Variants in TDRD3 observed in about 807,000 individuals in gnomAD.
The protein encoded by TDRD3 is tudor domain-containing protein 3.
In TDRD3, 45 loss-of-function variants were observed where a neutral mutation model predicts 86.7. That is an observed-to-expected ratio of 0.52 (90% confidence interval 0.41 to 0.67). The LOEUF is 0.67. TDRD3 is among the 30% of genes least tolerant of loss of function. The pLI is 0.00. For synonymous variants in TDRD3, 298 were observed against 301.7 expected (o/e 0.99, Z 0.13); for missense variants, 814 against 889.0 (o/e 0.92, Z 1.07).
At chr13:60,549,739 G>C (rs377727440) in intron 12 of TDRD3, among the ~76,000 whole-genome samples, 48 of 152,130 alleles carry the variant, frequency 3.2e-4, no homozygotes, top group African/African-American at 1.1e-3. Flanking sequence ...ATCTCATGAG[G>C]CTTAACCTAT....
intron 1 of TDRD3, among the ~76,000 whole-genome samples, chr13:60,403,708 A>G (rs1007439178): frequency 1.4e-4 from 21 of 152,206 alleles, no homozygotes; most frequent in African/African-American, 5.1e-4. Context: ...ATAGACAGAG[A>G]GCCTATATGT....
chr13:60,564,277 C>T (rs570860417), intron 12 of TDRD3, among the ~76,000 whole-genome samples: 1 of 151,948 alleles, frequency 6.6e-6, no homozygotes, highest in African/African-American at 2.4e-5. Context: ...TCGGGATGCA[C>T]CTTGGTTTTA....
chr13:60,438,667 C>CT (rs936079443), intron 1 of TDRD3, among the ~76,000 whole-genome samples: 2 of 151,858 alleles, frequency 1.3e-5, no homozygotes, highest in South Asian at 2.1e-4. Context: ...CTTAAAGGCA[C>CT]TTTTTTTTGG....
chr13:60,490,962 A>G (rs796158516), intron 7 of TDRD3, among the ~76,000 whole-genome samples: 27 of 152,088 alleles, frequency 1.8e-4, no homozygotes, highest in African/African-American at 6.0e-4. Context: ...TACTAAAAAT[A>G]CAAAATTAGC....
intron 10 of TDRD3, among the ~76,000 whole-genome samples, chr13:60,515,749 G>A (rs1957153895): frequency 6.6e-6 from 1 of 152,152 alleles, no homozygotes; most frequent in Non-Finnish European, 1.5e-5. Context: ...TTGTTTTTCA[G>A]CTCATTTTAA....
intron 8 of TDRD3, among the ~76,000 whole-genome samples, chr13:60,495,378 A>G (rs1017765150): frequency 2.0e-5 from 3 of 152,204 alleles, no homozygotes; most frequent in Admixed American, 6.5e-5. Context: ...CAATAGAGAA[A>G]GAGTAATTCA....
chr13:60,565,984 T>C (rs2137986879), intron 12 of TDRD3, among the ~76,000 whole-genome samples: 1 of 152,310 alleles, frequency 6.6e-6, no homozygotes, highest in South Asian at 2.1e-4. Context: ...AAAGGAAAAC[T>C]CATCTGGAAG....
In TDRD3 at chr13:60,505,123, A is replaced by G. The variant is rs534954892; in HGVS notation, c.859-4640A>G. ...CTCTGCTGGAAAGGGGGCTGAAGCC[A>G]GGGCGCCAAGTAGTCTAGCTCAGCG... On this transcript the variant is annotated intron_variant, in intron 8 of 13. Coordinates refer to ENST00000377881, the MANE Select transcript of TDRD3 (RefSeq NM_001146070.2). Among the ~76,000 whole-genome samples, 62 of 152,298 alleles carry G rather than the reference A, an allele frequency of 4.1e-4. 2 individuals carry two copies. In the South Asian group the frequency reaches 0.012, roughly 31 times the overall value.
At chr13:60,501,126 C>T (rs1274906349) in intron 8 of TDRD3, among the ~76,000 whole-genome samples, 2 of 152,216 alleles carry the variant, frequency 1.3e-5, no homozygotes, top group African/African-American at 2.4e-5. Context: ...GGTTTGTTCT[C>T]ACTGGAATAG....
At chr13:60,411,859 T>C (rs1373690822) in intron 1 of TDRD3, among the ~76,000 whole-genome samples, 1 of 152,198 alleles carries the variant, frequency 6.6e-6, no homozygotes, top group Non-Finnish European at 1.5e-5. Context: ...GTGATTCTTT[T>C]GCACATTAAG....
chr13:60,426,848 G>A (rs879549501), intron 1 of TDRD3, among the ~76,000 whole-genome samples: 8 of 152,148 alleles, frequency 5.3e-5, no homozygotes, highest in Non-Finnish European at 8.8e-5. Flanking sequence ...CTGTGGGAAC[G>A]TCACAGAGTG....
intron 5 of TDRD3, among the ~76,000 whole-genome samples, chr13:60,475,849 A>G (rs1956174424): frequency 6.6e-6 from 1 of 152,076 alleles, no homozygotes; most frequent in African/African-American, 2.4e-5. Flanking sequence ...TTCTTTTGAG[A>G]AATGTTCGTT....
intron 11 of TDRD3, 122 bp downstream of exon 11, chr13:60,529,339 C>T (rs761811078): frequency 2.0e-5 from 22 of 1,074,698 alleles, no homozygotes; most frequent in Non-Finnish European, 2.8e-5. Context: ...TGTTTAAAAT[C>T]TTTGAACAGA....
intron 8 of TDRD3, among the ~76,000 whole-genome samples, chr13:60,495,252 G>A (rs1956687997): frequency 6.6e-6 from 1 of 152,102 alleles, no homozygotes; most frequent in Non-Finnish European, 1.5e-5. Flanking sequence ...CAATATTAGG[G>A]CATTTGTGGG....
intron 11 of TDRD3, among the ~76,000 whole-genome samples, chr13:60,534,340 A>T (rs1957651446): frequency 6.6e-6 from 1 of 152,082 alleles, no homozygotes; most frequent in African/African-American, 2.4e-5. Flanking sequence ...AAATAAGTAG[A>T]TAAAATTATA....
chr13:60,428,749 C>T (rs924160793), intron 1 of TDRD3, among the ~76,000 whole-genome samples: 5 of 152,084 alleles, frequency 3.3e-5, no homozygotes, highest in African/African-American at 1.2e-4. Context: ...TGGTTCTGTC[C>T]AGGTGTGTTG....
At chr13:60,412,555 G>A (rs1462316426) in intron 1 of TDRD3, among the ~76,000 whole-genome samples, 1 of 152,092 alleles carries the variant, frequency 6.6e-6, no homozygotes, top group African/African-American at 2.4e-5. Flanking sequence ...CTGATAACTA[G>A]TATGACACAT....
At chr13:60,496,184 A>G (rs1222885426) in intron 8 of TDRD3, among the ~76,000 whole-genome samples, 11 of 150,648 alleles carry the variant, frequency 7.3e-5, no homozygotes, top group African/African-American at 2.7e-4. Flanking sequence ...CTCAAACATC[A>G]GACTCCAAGT....
chr13:60,530,626 T>TTC (rs1329086718), intron 11 of TDRD3, among the ~76,000 whole-genome samples: 1 of 151,384 alleles, frequency 6.6e-6, no homozygotes, highest in African/African-American at 2.4e-5. Flanking sequence ...ATTTTTTTTT[T>TTC]TTTTTTTAAG....
Sources: gnomAD v4.1 joint callset for allele counts (sites outside exome capture counted in the v4.1 genomes callset) on GRCh38, gnomAD v4.1.1 for gene constraint, MANE v1.5 for transcripts, NCBI Gene and HGNC (gene_info 2026-07-23, HGNC 2026-07-21) for gene names.